LRMDA: variants seen among roughly 807,000 people sequenced by gnomAD.
LRMDA encodes the protein leucine rich melanocyte differentiation associated.
Under a neutral mutation model 29.8 loss-of-function variants are expected in LRMDA, and 18 were observed. The ratio of observed to expected loss-of-function variants is 0.60; its 90% CI spans 0.42 to 0.90. The LOEUF is 0.90. Ranked by LOEUF, LRMDA falls within the 40% of genes least tolerant of loss-of-function variation. The pLI, the probability that LRMDA is intolerant of heterozygous loss-of-function variation, is 0.00. For synonymous variants in LRMDA, 125 were observed against 109.4 expected (o/e 1.14, Z -0.89); for missense variants, 273 against 273.9 (o/e 1.00, Z 0.02).
chr10:75,692,216 AAAAATATATAT>A (rs1218957814), intron 2 of LRMDA, among the ~76,000 whole-genome samples: 23 of 55,188 alleles, frequency 4.2e-4, no homozygotes, highest in African/African-American at 7.4e-4. Flanking sequence ...GGGAAAAAAA[AAAAATATATAT>A]ATATATATAT....
intron 5 of LRMDA, among the ~76,000 whole-genome samples, chr10:76,222,611 T>A (rs895930494): frequency 2.0e-5 from 3 of 151,852 alleles, no homozygotes; most frequent in Non-Finnish European, 4.4e-5. Context: ...CATTAAAAAG[T>A]CAGGAAACAG....
chr10:76,447,331 A>G (rs1454658935), intron 6 of LRMDA, among the ~76,000 whole-genome samples: 1 of 152,128 alleles, frequency 6.6e-6, no homozygotes, highest in Non-Finnish European at 1.5e-5. Flanking sequence ...AAGGTTTTTC[A>G]GAGACAATTA....
intron 6 of LRMDA, among the ~76,000 whole-genome samples, chr10:76,386,558 G>A (rs767338440): frequency 6.6e-6 from 1 of 152,026 alleles, no homozygotes; most frequent in Non-Finnish European, 1.5e-5. Context: ...TCTTGGTGGA[G>A]GAACATGTTC....
chr10:76,157,611 C>T (rs945442116), intron 5 of LRMDA, among the ~76,000 whole-genome samples: 3 of 151,496 alleles, frequency 2.0e-5, no homozygotes, highest in African/African-American at 7.3e-5. Context: ...GAAATACTGT[C>T]TCTTAAAAAC....
In LRMDA at chr10:75,472,333, T is replaced by C. The variant is rs1222610682; in HGVS notation, c.131+33839T>C. 2.0e-5 allele frequency among the ~76,000 whole-genome samples: 3 copies of C among 152,330 alleles called. No individual in the cohort carries two copies. In the East Asian group the frequency reaches 5.8e-4, roughly 29 times the overall value. On this transcript the variant is annotated intron_variant, in intron 2 of 6. Transcript: ENST00000611255. The stretch of plus-strand genomic sequence containing the variant: ...GGGCCTACCATTTATGCGCCCATTA[T>C]GTACCAGGCACTGTCCAGCTCTTGT...
At chr10:75,884,656 G>T (rs1199964621) in intron 2 of LRMDA, among the ~76,000 whole-genome samples, 1 of 152,232 alleles carries the variant, frequency 6.6e-6, no homozygotes, top group Non-Finnish European at 1.5e-5. Context: ...GACAGTGGCT[G>T]TTTAAAGAAG....
At chr10:76,415,802 T>A (rs1227721243) in intron 6 of LRMDA, among the ~76,000 whole-genome samples, 1 of 152,222 alleles carries the variant, frequency 6.6e-6, no homozygotes. Context: ...GCCTGCCACA[T>A]GTTCCTGTGC....
chr10:75,667,502 G>T lies in LRMDA; in HGVS notation c.131+229008G>T, dbSNP rs577298092. On this transcript the variant is annotated intron_variant, in intron 2 of 6. Coordinates refer to ENST00000611255, the MANE Select transcript of LRMDA (RefSeq NM_001305581.2). ...ATTTTTAGAGACAGGGTTTTGCTAT[G>T]TTGCCCAGGTTGGTCTCAAACTCCT... is the stretch of plus-strand genomic sequence containing the variant. 3.3e-5 allele frequency among the ~76,000 whole-genome samples: 5 copies of T among 152,220 alleles called. No individual in the cohort carries two copies. The East Asian group carries it at 9.7e-4, about 29-fold the overall frequency.
chr10:75,632,292 T>C (rs1841333589), intron 2 of LRMDA, among the ~76,000 whole-genome samples: 1 of 152,246 alleles, frequency 6.6e-6, no homozygotes, highest in Admixed American at 6.5e-5. Flanking sequence ...GGTCCTTACT[T>C]TTCAGAGAGG....
At chr10:76,082,627 A>G (rs1198520575) in intron 5 of LRMDA, among the ~76,000 whole-genome samples, 2 of 152,094 alleles carry the variant, frequency 1.3e-5, no homozygotes, top group Non-Finnish European at 2.9e-5. Flanking sequence ...AGAAATGTAA[A>G]TTAATATAAG....
At chr10:75,735,148 T>A (rs1232338521) in intron 2 of LRMDA, among the ~76,000 whole-genome samples, 1 of 152,238 alleles carries the variant, frequency 6.6e-6, no homozygotes, top group Non-Finnish European at 1.5e-5. Context: ...AAACATTTAT[T>A]GAATGGATTA....
chr10:76,457,584 C>T (rs1842470249), intron 6 of LRMDA, among the ~76,000 whole-genome samples: 1 of 152,018 alleles, frequency 6.6e-6, no homozygotes. Flanking sequence ...TATTCCTAAG[C>T]CCAAGAAGGC....
At chr10:76,305,658 A>G (rs541446078) in intron 5 of LRMDA, among the ~76,000 whole-genome samples, 12 of 152,360 alleles carry the variant, frequency 7.9e-5, no homozygotes, top group Admixed American at 2.6e-4. Context: ...TAGAATGGTT[A>G]GAAATATTGC....
intron 5 of LRMDA, among the ~76,000 whole-genome samples, chr10:76,214,197 A>G (rs1301422148): frequency 4.6e-5 from 7 of 152,308 alleles, no homozygotes; most frequent in Middle Eastern, 3.4e-3. Context: ...TTCCAGTCCC[A>G]GAAGTCACAT....
chr10:75,962,458 C>T (rs941758956), intron 2 of LRMDA, among the ~76,000 whole-genome samples: 4 of 152,158 alleles, frequency 2.6e-5, no homozygotes, highest in Non-Finnish European at 5.9e-5. Context: ...TTATCAAGCC[C>T]TCCAGGTGGT....
In LRMDA at chr10:75,533,897, T is replaced by C. The variant is rs148468401; in HGVS notation, c.131+95403T>C. ...GTCAAAAGACAAAATAAAATGTACA[T>C]GCGATATGTGCAACATATGAGGACT... On this transcript the variant is annotated intron_variant, in intron 2 of 6. Transcript: ENST00000611255. Among the ~76,000 whole-genome samples the C allele has an allele frequency of 2.8e-3, 433 of 152,274 alleles. 4 individuals carry two copies. In the Middle Eastern group the frequency reaches 0.054, roughly 19 times the overall value.
chr10:75,806,124 C>T (rs1843847732), intron 2 of LRMDA, among the ~76,000 whole-genome samples: 1 of 152,134 alleles, frequency 6.6e-6, no homozygotes, highest in Non-Finnish European at 1.5e-5. Context: ...CACACTTAAA[C>T]CACCTGATCT....
At chr10:75,453,364 A>G (rs1268960366) in intron 2 of LRMDA, among the ~76,000 whole-genome samples, 1 of 152,206 alleles carries the variant, frequency 6.6e-6, no homozygotes, top group Non-Finnish European at 1.5e-5. Context: ...GGAAAAACAT[A>G]GGTTGATGGC....
chr10:75,769,460 T>C (rs12242030), intron 2 of LRMDA, among the ~76,000 whole-genome samples: 15,027 of 152,258 alleles, frequency 0.099, 1,369 homozygotes, highest in African/African-American at 0.24. Context: ...ATAATTTTTT[T>C]GCAAACTGCT....
Sources: gnomAD v4.1 joint callset for allele counts (sites outside exome capture counted in the v4.1 genomes callset) on GRCh38, gnomAD v4.1.1 for gene constraint, MANE v1.5 for transcripts, NCBI Gene and HGNC (gene_info 2026-07-23, HGNC 2026-07-21) for gene names.